The following LRRTM1 variants were observed in gnomAD, a reference collection of about 807,000 sequenced individuals.
LRRTM1 encodes leucine rich repeat transmembrane neuronal 1.
LRRTM1 carries 8 observed loss-of-function variants against 37.3 expected under a neutral mutation model. The observed-to-expected ratio is 0.21, with a 90% CI of 0.13 to 0.39. The LOEUF (loss-of-function observed/expected upper bound fraction) is 0.39. LRRTM1 is among the 10% of genes least tolerant of loss of function. The probability of loss-of-function intolerance (pLI) is 1.00; values close to 1 mark genes in which losing one functional copy is unlikely to be tolerated. For missense variants in LRRTM1, 557 were observed against 691.0 expected (o/e 0.81, Z 2.17); for synonymous variants, 326 against 316.8 (o/e 1.03, Z -0.31).
chr2:80,302,869 A>G lies in LRRTM1; in HGVS notation c.951T>C (p.Asp317=), dbSNP rs1484028987. The change falls in exon 2 of 2, where the codon GAT becomes GAC. Residue 317 remains aspartate, a synonymous_variant. Transcript: ENST00000295057. This position sits in a 1 kb window ranked among gnomAD's most constrained non-coding sequence, Gnocchi z 6.4. ...CTAGGGCACACACGTTGCGCCCGCA[A>G]TCCCACAGGTTCCCGGCCAGGGTGA... ...TSITLAGNLW[D]CGRNVCALAS... 1 of 1,614,154 alleles carries G rather than the reference A, an allele frequency of 6.2e-7. No individual in the cohort carries two copies.
Position 80,302,109 on chromosome 2 carries a change from G to A in LRRTM1, c.*142C>T, listed in dbSNP as rs1312577638. The stretch of plus-strand genomic sequence containing the variant: ...AGACACAATAAAGCTAAAATGTCAA[G>A]TCTCTGGGAGAGATCCCCTTAAAGT... On this transcript the variant is annotated 3_prime_UTR_variant, in exon 2 of 2. Transcript: ENST00000295057. The surrounding 1 kb of genome is among the most constrained non-coding windows in gnomAD (Gnocchi z 6.4). The A allele has an allele frequency of 1.4e-5, 16 of 1,118,384 alleles. No individual in the cohort carries two copies. In the Admixed American group the frequency reaches 4.4e-4, roughly 31 times the overall value. 69.3% of individuals were successfully genotyped at this position (1,118,384 alleles called of 1,614,324 possible).
downstream of LRRTM1, among the ~76,000 whole-genome samples, chr2:80,300,127 C>T (rs1457650197): frequency 6.6e-6 from 1 of 152,012 alleles, no homozygotes; most frequent in Non-Finnish European, 1.5e-5. Context: ...TTCAAAACCC[C>T]CTCCTCAAAG....
Position 80,303,816 on chromosome 2 carries a change from C to A in LRRTM1, c.4G>T (p.Asp2Tyr). ...AGACAGAGACCGAGCAGCAGGAAAT[C>A]CATTAGCGAGAATCTTTCCAGAGAG... M[D>Y]FLLLGLCLYW... The change falls in exon 2 of 2, where the codon GAT (aspartate) becomes TAT (tyrosine). Residue 2 changes from aspartate (D) to tyrosine (Y), a missense_variant. Transcript: ENST00000295057. The surrounding 1 kb of genome is among the most constrained non-coding windows in gnomAD (Gnocchi z 7.7). 6.6e-7 allele frequency: 1 copy of A among 1,507,090 alleles called. No individual in the cohort carries two copies. Among genetic ancestry groups the A allele is most frequent in the Non-Finnish European group, 8.9e-7 (1 of 1,127,966 alleles). The allele number at this position is 1,507,090 out of a possible 1,614,324, so 93.4% of individuals were successfully genotyped here.
rs1676448292 is a variant in LRRTM1 at position 80,302,643 on chromosome 2, T to C, written c.1177A>G (p.Thr393Ala). Residue 393 changes from threonine to alanine, a missense_variant, in exon 2 of 2, where the codon ACG becomes GCG. Coordinates refer to ENST00000295057, the MANE Select transcript of LRRTM1 (RefSeq NM_178839.5). This position sits in a 1 kb window ranked among gnomAD's most constrained non-coding sequence, Gnocchi z 6.4. ...DLGPPASSAT[T>A]LADGGEGQHD... ...TGCCCCTCCCCGCCGTCCGCGAGCG[T>C]GGTGGCCGAGCTGGCAGGGGGCCCC... 1 of 1,608,026 alleles carries C rather than the reference T, an allele frequency of 6.2e-7. No individual in the cohort carries two copies. The highest frequency in any genetic ancestry group is 2.2e-5 in the East Asian group (1 of 44,784).
In LRRTM1 at chr2:80,302,821, C is replaced by T; in HGVS notation, c.999G>A (p.Gln333=). Residue 333 remains glutamine (Q), a synonymous_variant, in exon 2 of 2, where the codon CAG becomes CAA. Coordinates refer to ENST00000295057, the MANE Select transcript of LRRTM1 (RefSeq NM_178839.5). The surrounding 1 kb of genome is among the most constrained non-coding windows in gnomAD (Gnocchi z 6.4). ...ACTGCAAGTTGCCATCGTAGCGCCC[C>T]TGGAAGTTGTTGAGCCACGAGGCTA... is the stretch of plus-strand genomic sequence containing the variant. ...CALASWLNNF[Q]GRYDGNLQCA... The T allele has an allele frequency of 6.2e-7, 1 of 1,614,004 alleles. No homozygotes were observed. Among genetic ancestry groups the T allele is most frequent in the Non-Finnish European group, 8.5e-7 (1 of 1,180,018 alleles).
In LRRTM1 at chr2:80,302,985, C is replaced by T; in HGVS notation, c.835G>A (p.Val279Met). 6 of 1,613,342 alleles carry T rather than the reference C, an allele frequency of 3.7e-6. No individual in the cohort carries two copies. The highest frequency in any genetic ancestry group is 5.1e-6 in the Non-Finnish European group (6 of 1,179,934). ...AGCTGCAGGGACTGCAGGTGCGGCA[C>T]GGTCTCGAACACATGGGGCTCCATG... ...EYMEPHVFET[V>M]PHLQSLQLDS... The change falls in exon 2 of 2, where the codon GTG becomes ATG. Residue 279 changes from valine (V) to methionine (M), a missense_variant. Physicochemically the swap from Val to Met is conservative, Grantham distance 21 (BLOSUM62 1). Coordinates refer to ENST00000295057, the MANE Select transcript of LRRTM1 (RefSeq NM_178839.5). The surrounding 1 kb of genome is among the most constrained non-coding windows in gnomAD (Gnocchi z 6.4).
At chr2:80,291,352 C>T (rs1297040283) in intron 2 of LRRTM1, among the ~76,000 whole-genome samples, 1 of 152,154 alleles carries the variant, frequency 6.6e-6, no homozygotes, top group Non-Finnish European at 1.5e-5. Flanking sequence ...CACTACAGAC[C>T]TAAGAAAGAA....
intron 2 of LRRTM1, among the ~76,000 whole-genome samples, chr2:80,293,116 CAG>C (rs1418536813): frequency 6.6e-6 from 1 of 152,198 alleles, no homozygotes; most frequent in Non-Finnish European, 1.5e-5. Flanking sequence ...CACTATGGAG[CAG>C]AGACAGTGAG....
At chr2:80,298,213 A>G (rs771246388), downstream of LRRTM1, 11 of 152,152 alleles carry the variant, frequency 7.2e-5, no homozygotes, top group Non-Finnish European at 1.0e-4. Context: ...AATATATTTC[A>G]GAAGCACATT....
chr2:80,297,778 C>T (rs1171522320), downstream of LRRTM1, among the ~76,000 whole-genome samples: 3 of 152,138 alleles, frequency 2.0e-5, no homozygotes, highest in Non-Finnish European at 4.4e-5. Flanking sequence ...CAGAAGTTCC[C>T]CAGCCTGCAA....
chr2:80,291,399 A>G (rs1675225041), intron 2 of LRRTM1, among the ~76,000 whole-genome samples: 2 of 152,242 alleles, frequency 1.3e-5, no homozygotes, highest in African/African-American at 2.4e-5. Context: ...CTCAAGGGCC[A>G]GGAGCAAATT....
At position 80,303,564 on chromosome 2, in the gene LRRTM1, T is replaced by A. The variant is rs1331210265; in HGVS notation, c.256A>T (p.Thr86Ser). The change falls in exon 2 of 2, where the codon ACG becomes TCG. Residue 86 changes from threonine to serine, a missense_variant. Coordinates refer to ENST00000295057, the MANE Select transcript of LRRTM1 (RefSeq NM_178839.5). This position sits in a 1 kb window ranked among gnomAD's most constrained non-coding sequence, Gnocchi z 7.7. Reference protein sequence around the residue: ...SLSELRAGQFTGLMQLTWLYL... With the variant: ...SLSELRAGQFSGLMQLTWLYL... ...AGCCACGTGAGCTGCATTAACCCCG[T>A]GAACTGGCCGGCGCGCAGCTCCGAG... The A allele has an allele frequency of 6.2e-7, 1 of 1,614,212 alleles. No individual in the cohort carries two copies.
At chr2:80,297,781 G>A (rs1675874179), downstream of LRRTM1, among the ~76,000 whole-genome samples, 1 of 152,064 alleles carries the variant, frequency 6.6e-6, no homozygotes, top group African/African-American at 2.4e-5. Context: ...AAGTTCCCCA[G>A]CCTGCAAAGC....
chr2:80,295,225 A>AT (rs11371104), intron 2 of LRRTM1, among the ~76,000 whole-genome samples: 63,412 of 146,992 alleles, frequency 0.43, 13,455 homozygotes, highest in African/African-American at 0.49. Context: ...TCCTGAACAA[A>AT]TTTTTTTTTT....
At chr2:80,288,628 C>G (rs1243163110) in exon 3 of LRRTM1, 3 of 152,220 alleles carry the variant, frequency 2.0e-5, no homozygotes, top group African/African-American at 7.2e-5. Context: ...ATTCTTCAGC[C>G]TGTTTCCAGA....
At chr2:80,301,649 A>T (rs72928794), downstream of LRRTM1, among the ~76,000 whole-genome samples, 11,639 of 152,200 alleles carry the variant, frequency 0.076, 1,340 homozygotes, top group African/African-American at 0.25. Flanking sequence ...AGGGTCTTGC[A>T]GTTTTTCTTT....
intron 2 of LRRTM1, among the ~76,000 whole-genome samples, chr2:80,296,320 A>G (rs1675740747): frequency 6.6e-6 from 1 of 152,210 alleles, no homozygotes; most frequent in South Asian, 2.1e-4. Context: ...TCCTGGAAGG[A>G]ATATCAAGTT....
chr2:80,303,930 G>A lies in LRRTM1; in HGVS notation c.-59-52C>T. 1 of 1,306,860 alleles carries A rather than the reference G, an allele frequency of 7.7e-7. No individual in the cohort carries two copies. The highest frequency in any genetic ancestry group is 2.1e-5 in the South Asian group (1 of 48,268). The allele number at this position is 1,306,860 out of a possible 1,614,324, so 81.0% of individuals were successfully genotyped here. Reference sequence around the variant, plus strand: ...GGGAAGCGGGGGAGGGGGAGAAAAGGGCAAAAAATCAAATAAATACATAGA... The same window carrying A: ...GGGAAGCGGGGGAGGGGGAGAAAAGAGCAAAAAATCAAATAAATACATAGA... On this transcript the variant is annotated intron_variant, in intron 1 of 1. Coordinates refer to ENST00000295057, the MANE Select transcript of LRRTM1 (RefSeq NM_178839.5). This position sits in a 1 kb window ranked among gnomAD's most constrained non-coding sequence, Gnocchi z 7.7.
Position 80,302,170 on chromosome 2 carries a change from G to A in LRRTM1, c.*81C>T, listed in dbSNP as rs898445903. On this transcript the variant is annotated 3_prime_UTR_variant, in exon 2 of 2. Coordinates refer to ENST00000295057, the MANE Select transcript of LRRTM1 (RefSeq NM_178839.5). The surrounding 1 kb of genome is among the most constrained non-coding windows in gnomAD (Gnocchi z 6.4). Reference sequence around the variant, plus strand: ...GAGCATATCAGAGCACAGACAAGGAGACCCCAGCCTGGTGCCCGCCGGCCC... The same window carrying A: ...GAGCATATCAGAGCACAGACAAGGAAACCCCAGCCTGGTGCCCGCCGGCCC... 28 of 1,525,942 alleles carry A rather than the reference G, an allele frequency of 1.8e-5. No homozygotes were observed. The highest frequency in any genetic ancestry group is 2.0e-5 in the Non-Finnish European group (23 of 1,133,886). 94.5% of individuals were successfully genotyped at this position (1,525,942 alleles called of 1,614,324 possible). A position where few individuals can be genotyped will look rare whatever the true frequency, so the allele number is the denominator to read the frequency against.
Sources: allele counts gnomAD v4.1 joint callset (sites outside exome capture counted in the v4.1 genomes callset), GRCh38; gene constraint gnomAD v4.1.1; non-coding constraint Gnocchi (gnomAD v3.1); transcripts MANE v1.5; gene names NCBI Gene and HGNC (gene_info 2026-07-23, HGNC 2026-07-21).